Variants in DTNBP1 observed in about 807,000 individuals in gnomAD.
The protein encoded by DTNBP1 is dysbindin.
A neutral mutation model predicts 42.8 loss-of-function variants in DTNBP1; 35 were observed. The ratio of observed to expected loss-of-function variants is 0.82; its 90% CI spans 0.63 to 1.09. The LOEUF is 1.09. Ranked by LOEUF, DTNBP1 falls within the 50% of genes least tolerant of loss-of-function variation. The pLI is 0.00. For synonymous variants in DTNBP1, 171 were observed against 162.2 expected (o/e 1.05, Z -0.41); for missense variants, 457 against 424.2 (o/e 1.08, Z -0.68).
intron 8 of DTNBP1, among the ~76,000 whole-genome samples, chr6:15,527,657 CAGT>C (rs1772497537): frequency 6.6e-6 from 1 of 151,918 alleles, no homozygotes; most frequent in South Asian, 2.1e-4. Flanking sequence ...GTTAATGAAA[CAGT>C]AGAAAGAACA....
intron 6 of DTNBP1, among the ~76,000 whole-genome samples, chr6:15,600,773 T>A (rs1418452124): frequency 1.3e-5 from 2 of 152,110 alleles, no homozygotes. Flanking sequence ...CCTGGATAAA[T>A]CTGTAGTGAT....
intron 7 of DTNBP1, among the ~76,000 whole-genome samples, chr6:15,548,724 A>G (rs1774035265): frequency 6.6e-6 from 1 of 152,232 alleles, no homozygotes; most frequent in African/African-American, 2.4e-5. Context: ...CTAAACTCAT[A>G]TAAAGAAATT....
intron 7 of DTNBP1, among the ~76,000 whole-genome samples, chr6:15,591,103 T>C (rs975420138): frequency 8.6e-5 from 13 of 151,670 alleles, no homozygotes; most frequent in Admixed American, 6.6e-5. Context: ...TTTCTTGTTA[T>C]AGGGTACTTT....
chr6:15,657,397 T>G (rs556787072), intron 1 of DTNBP1, among the ~76,000 whole-genome samples: 2 of 152,286 alleles, frequency 1.3e-5, no homozygotes, highest in South Asian at 4.1e-4. Context: ...CTTTTTCATC[T>G]CCCACTGCTG....
chr6:15,584,133 C>T (rs540569163), intron 7 of DTNBP1, among the ~76,000 whole-genome samples: 1 of 152,100 alleles, frequency 6.6e-6, no homozygotes, highest in African/African-American at 2.4e-5. Context: ...TATAAGCCAG[C>T]TTTTAAAAAA....
At chr6:15,582,164 T>C (rs1464708491) in intron 7 of DTNBP1, among the ~76,000 whole-genome samples, 1 of 152,168 alleles carries the variant, frequency 6.6e-6, no homozygotes. Flanking sequence ...GGACTGGATA[T>C]AAATGCAATA....
intron 6 of DTNBP1, among the ~76,000 whole-genome samples, chr6:15,611,157 C>A (rs59099772): frequency 0.02 from 2,990 of 152,232 alleles, 117 homozygotes; most frequent in African/African-American, 0.068. Flanking sequence ...GAAGCCAATG[C>A]CTCATTTACT....
chr6:15,530,634 A>G (rs905794335), intron 8 of DTNBP1, among the ~76,000 whole-genome samples: 1 of 151,046 alleles, frequency 6.6e-6, no homozygotes, highest in Non-Finnish European at 1.5e-5. Context: ...GCTCCTTCCA[A>G]GCCGGCCACG....
chr6:15,526,212 A>T (rs1264802422), intron 8 of DTNBP1, among the ~76,000 whole-genome samples: 1 of 152,220 alleles, frequency 6.6e-6, no homozygotes, highest in Non-Finnish European at 1.5e-5. Context: ...CTCTCGCTAG[A>T]GGCATAGTGA....
chr6:15,523,554 C>A, intron 9 of DTNBP1: 1 of 1,242,996 alleles, frequency 8.0e-7, no homozygotes, highest in East Asian at 5.7e-5. Context: ...CCTTGATAAT[C>A]TAGATTTCTT....
intron 7 of DTNBP1, among the ~76,000 whole-genome samples, chr6:15,533,940 G>T (rs904884812): frequency 6.6e-6 from 1 of 152,236 alleles, no homozygotes; most frequent in Non-Finnish European, 1.5e-5. Flanking sequence ...TTAAAAGTAT[G>T]TAACAGTAGA....
chr6:15,558,197 T>TGTCATCCA (rs952459117), intron 7 of DTNBP1, among the ~76,000 whole-genome samples: 3 of 151,990 alleles, frequency 2.0e-5, no homozygotes, highest in African/African-American at 7.2e-5. Context: ...AAAGACATTT[T>TGTCATCCA]GTCATCCACA....
chr6:15,527,822 G>A (rs900514988), intron 8 of DTNBP1, among the ~76,000 whole-genome samples: 4 of 152,100 alleles, frequency 2.6e-5, no homozygotes, highest in South Asian at 2.1e-4. Context: ...AGGGGGAGAC[G>A]CACACCATGG....
chr6:15,571,933 T>C lies in DTNBP1; in HGVS notation c.511+21126A>G, dbSNP rs117128458. ...CTATTGCACATTTGTTAATAAACTGTTTCTGAAACCACAGTTTGAGTTCTG... is the reference window on the plus strand; with the variant it reads ...CTATTGCACATTTGTTAATAAACTGCTTCTGAAACCACAGTTTGAGTTCTG... On this transcript the variant is annotated intron_variant, in intron 7 of 9. Coordinates refer to ENST00000344537, the MANE Select transcript of DTNBP1 (RefSeq NM_032122.5). 5.9e-5 allele frequency among the ~76,000 whole-genome samples: 9 copies of C among 152,296 alleles called. No individual in the cohort carries two copies. The East Asian group carries it at 1.7e-3, about 29-fold the overall frequency.
At chr6:15,524,822 T>C (rs1772252624) in intron 8 of DTNBP1, among the ~76,000 whole-genome samples, 153 bp from the exon 9 acceptor site, 1 of 152,256 alleles carries the variant, frequency 6.6e-6, no homozygotes, top group African/African-American at 2.4e-5. Flanking sequence ...CATATGCCAG[T>C]CTGGCACTTT....
chr6:15,539,099 TAC>T (rs1383433061), intron 7 of DTNBP1, among the ~76,000 whole-genome samples: 1 of 152,236 alleles, frequency 6.6e-6, no homozygotes. Context: ...TCAAATCAGG[TAC>T]AGTGTCTAAT....
intron 7 of DTNBP1, chr6:15,533,706 C>G (rs1773035007): frequency 1.9e-6 from 1 of 527,056 alleles, no homozygotes; most frequent in African/African-American, 1.9e-5. Context: ...CCTTCCAAGA[C>G]CAGCTTCTCA....
At chr6:15,659,019 T>C (rs1761438033) in intron 1 of DTNBP1, among the ~76,000 whole-genome samples, 1 of 152,150 alleles carries the variant, frequency 6.6e-6, no homozygotes, top group South Asian at 2.1e-4. Context: ...AAAAAGGCCA[T>C]AAGTCCATGG....
At chr6:15,632,033 C>T (rs1236483227) in intron 4 of DTNBP1, among the ~76,000 whole-genome samples, 1 of 151,992 alleles carries the variant, frequency 6.6e-6, no homozygotes, top group East Asian at 1.9e-4. Context: ...TCCTTGATAC[C>T]AAGCAAGGTT....
Sources: gnomAD v4.1 joint callset for allele counts (sites outside exome capture counted in the v4.1 genomes callset) on GRCh38, gnomAD v4.1.1 for gene constraint, MANE v1.5 for transcripts, NCBI Gene and HGNC (gene_info 2026-07-23, HGNC 2026-07-21) for gene names.